CA12: variants seen among roughly 807,000 people sequenced by gnomAD.
The protein encoded by CA12 is carbonic anhydrase 12.
In CA12, 36 loss-of-function variants were observed where a neutral mutation model predicts 46.8. The observed-to-expected ratio is 0.77, with a 90% CI of 0.59 to 1.02. The LOEUF (loss-of-function observed/expected upper bound fraction) is 1.02, where lower values mean the gene tolerates loss of function less well. Among genes scored for constraint, CA12 ranks in the 50% least tolerant of loss-of-function variants. The pLI is 0.00. For synonymous variants in CA12, 202 were observed against 187.0 expected, an observed-to-expected ratio of 1.08 and a Z score of -0.65; for missense variants, 436 against 451.4, an observed-to-expected ratio of 0.97 and a Z score of 0.31.
chr15:63,362,574 C>T (rs1185547729), intron 2 of CA12, among the ~76,000 whole-genome samples: 1 of 152,124 alleles, frequency 6.6e-6, no homozygotes, highest in Non-Finnish European at 1.5e-5. Context: ...CCTGGGGAGT[C>T]TGGAAATTAC....
chr15:63,349,923 T>C (rs1440813936), intron 2 of CA12, among the ~76,000 whole-genome samples: 2 of 152,168 alleles, frequency 1.3e-5, no homozygotes, highest in East Asian at 3.9e-4. Flanking sequence ...CTTAATTCCC[T>C]CATGTATTTC....
At chr15:63,375,475 A>G (rs2039558292) in intron 2 of CA12, 183 bp downstream of exon 2, 2 of 559,968 alleles carry the variant, frequency 3.6e-6, no homozygotes, top group Non-Finnish European at 6.5e-6. Context: ...GAGAAAGTGC[A>G]GTATGCAACC....
intron 1 of CA12, among the ~76,000 whole-genome samples, chr15:63,380,493 C>A (rs2152629233): frequency 6.6e-6 from 1 of 152,310 alleles, no homozygotes; most frequent in African/African-American, 2.4e-5. Flanking sequence ...CTCAGTGCAG[C>A]TTTCGTAAAA....
In CA12 at chr15:63,381,697, C is replaced by A. The variant is rs1442358039; in HGVS notation, c.24G>T (p.Ala8=). 1.9e-6 allele frequency: 3 copies of A among 1,608,494 alleles called. No homozygotes were observed. The highest frequency in any genetic ancestry group is 2.2e-5 in the East Asian group (1 of 44,642). ...AGATCACCAGCAGGAGCACGGCCGC[C>A]GCGTGCAGGCTGCGCCGGGGCATCT... MPRRSLH[A]AAVLLLVILK... is the part of the protein sequence containing the mutation. Residue 8 remains alanine (A), a synonymous_variant, in exon 1 of 11, where the codon GCG becomes GCT. Coordinates refer to ENST00000178638, the MANE Select transcript of CA12 (RefSeq NM_001218.5).
intron 2 of CA12, among the ~76,000 whole-genome samples, chr15:63,352,286 A>T (rs1302499896): frequency 2.6e-5 from 4 of 152,170 alleles, no homozygotes; most frequent in Non-Finnish European, 5.9e-5. Flanking sequence ...CAGACTCCTG[A>T]CCTAAAGCGA....
intron 2 of CA12, among the ~76,000 whole-genome samples, chr15:63,357,690 A>G (rs1406007242): frequency 6.6e-6 from 1 of 151,978 alleles, no homozygotes; most frequent in Non-Finnish European, 1.5e-5. Context: ...TGTTGTGGTA[A>G]AATACATAGA....
At chr15:63,332,237 G>T (rs928912376) in intron 8 of CA12, among the ~76,000 whole-genome samples, 2 of 152,206 alleles carry the variant, frequency 1.3e-5, no homozygotes, top group African/African-American at 4.8e-5. Flanking sequence ...CAAGGAAGAT[G>T]CCCTCACCAC....
chr15:63,356,965 A>C (rs2152621804), intron 2 of CA12, among the ~76,000 whole-genome samples: 1 of 152,360 alleles, frequency 6.6e-6, no homozygotes, highest in Non-Finnish European at 1.5e-5. Flanking sequence ...GGATAAACAA[A>C]ATGTGGCACA....
chr15:63,338,714 G>T, intron 8 of CA12, 105 bp downstream of exon 8: 1 of 1,507,624 alleles, frequency 6.6e-7, no homozygotes, highest in African/African-American at 1.4e-5. Flanking sequence ...GGAGCTCTCA[G>T]CCAACTTCTT....
rs774844528 is a variant in CA12 at position 63,375,652 on chromosome 15, A to C, written c.106+6T>G. 32 of 1,545,676 alleles carry C rather than the reference A, an allele frequency of 2.1e-5. No homozygotes were observed. The East Asian group carries it at 6.7e-4, about 32-fold the overall frequency. ...CAACAAAAAAGTATTTAAAATCTCT[A>C]CTTACCAAAATAAGTCCACTTGGAA... On this transcript the variant is annotated splice_donor_region_variant and intron_variant, in intron 2 of 10. Transcript: ENST00000178638.
chr15:63,368,131 A>G (rs2039458414), intron 2 of CA12, among the ~76,000 whole-genome samples: 1 of 152,182 alleles, frequency 6.6e-6, no homozygotes, highest in Admixed American at 6.5e-5. Flanking sequence ...GCTTCTCTGT[A>G]TTCGTGGAAT....
chr15:63,381,745 C>G lies in CA12; in HGVS notation c.-25G>C, dbSNP rs775903721. On this transcript the variant is annotated 5_prime_UTR_variant, in exon 1 of 11. Coordinates refer to ENST00000178638, the MANE Select transcript of CA12 (RefSeq NM_001218.5). ...TCTTCGCGGGCTCCTGCGGGGCGGG[C>G]GCGGGCTGTGCCGGGGGCTCCCGGT... The G allele has an allele frequency of 9.7e-6, 15 of 1,540,502 alleles. No homozygotes were observed. The highest frequency in any genetic ancestry group is 2.0e-5 in the Admixed American group (1 of 51,210).
rs751388518 is a variant in CA12, at chr15:63,340,316, C to G, written c.719G>C (p.Arg240Pro). 1 of 1,614,142 alleles carries G rather than the reference C, an allele frequency of 6.2e-7. No homozygotes were observed. The highest frequency in any genetic ancestry group is 1.1e-5 in the South Asian group (1 of 91,068). The change falls in exon 7 of 11, where the codon CGA becomes CCA. Residue 240 changes from arginine (R) to proline (P), a missense_variant. By Grantham distance (103) the Arg-to-Pro change is moderately radical (BLOSUM62 -2). Coordinates refer to ENST00000178638, the MANE Select transcript of CA12 (RefSeq NM_001218.5). This position sits in a 1 kb window ranked among gnomAD's most constrained non-coding sequence, Gnocchi z 4.4. ...CNPTVLWTVF[R>P]NPVQISQEQL... is the part of the protein sequence containing the mutation. ...CTCCTGGGAAATTTGCACGGGGTTT[C>G]GGAAAACTGTCCAGAGCACAGTGGG...
chr15:63,345,684 G>T lies in CA12; in HGVS notation c.287-65C>A. 1.3e-6 allele frequency: 2 copies of T among 1,560,872 alleles called. No individual in the cohort carries two copies. Among genetic ancestry groups the T allele is most frequent in the Non-Finnish European group, 1.7e-6 (2 of 1,156,974 alleles). ...GCTGTGCACTGCCAGAGAGCAGTCA[G>T]GTAGGCAATGCTCCCTCCACCCCTG... On this transcript the variant is annotated intron_variant, in intron 3 of 10. Transcript: ENST00000178638. This position sits in a 1 kb window ranked among gnomAD's most constrained non-coding sequence, Gnocchi z 4.3.
chr15:63,329,272 G>A lies in CA12; in HGVS notation c.875-1142C>T, dbSNP rs1399467920. Among the ~76,000 whole-genome samples the A allele has an allele frequency of 1.3e-5, 2 of 152,238 alleles. No homozygotes were observed. Among genetic ancestry groups the A allele is most frequent in the Admixed American group, 6.5e-5 (1 of 15,282 alleles). ...AGGGTATTACGGCTTCAACCAGCAA[G>A]TTACTGTTGAGGATAAATAAGGTGA... On this transcript the variant is annotated intron_variant, in intron 8 of 10. Transcript: ENST00000178638. This position sits in a 1 kb window ranked among gnomAD's most constrained non-coding sequence, Gnocchi z 4.8.
In CA12 at chr15:63,372,627, C is replaced by T. The variant is rs1004271590; in HGVS notation, c.106+3031G>A. Among the ~76,000 whole-genome samples, 2 of 152,192 alleles carry T rather than the reference C, an allele frequency of 1.3e-5. No individual in the cohort carries two copies. Among genetic ancestry groups the T allele is most frequent in the African/African-American group, 4.8e-5 (2 of 41,454 alleles). ...TTGGTTGGACTTGCCCCATTCAGTG[C>T]GGCCCTTATTGCTTGGAAGCCGTTT... On this transcript the variant is annotated intron_variant, in intron 2 of 10. Transcript: ENST00000178638. The surrounding 1 kb of genome is among the most constrained non-coding windows in gnomAD (Gnocchi z 4.5).
At chr15:63,346,037 A>G (rs946606622) in intron 3 of CA12, among the ~76,000 whole-genome samples, 2 of 152,194 alleles carry the variant, frequency 1.3e-5, no homozygotes, top group African/African-American at 4.8e-5. Flanking sequence ...CCAGACCCCA[A>G]CGTACATAAT....
chr15:63,339,464 G>A lies in CA12; in HGVS notation c.748-519C>T, dbSNP rs1180451100. Among the ~76,000 whole-genome samples the A allele has an allele frequency of 1.3e-5, 2 of 152,204 alleles. No individual in the cohort carries two copies. Among genetic ancestry groups the A allele is most frequent in the Non-Finnish European group, 2.9e-5 (2 of 68,030 alleles). Reference sequence around the variant, plus strand: ...ATAACCCTTTCCCAAGGCAGTTTCTGAGGTAGGATGTTGCTGCTTCCCCAC... The same window carrying A: ...ATAACCCTTTCCCAAGGCAGTTTCTAAGGTAGGATGTTGCTGCTTCCCCAC... On this transcript the variant is annotated intron_variant, in intron 7 of 10. Transcript: ENST00000178638. The surrounding 1 kb of genome is among the most constrained non-coding windows in gnomAD (Gnocchi z 4.3).
rs2038910800 is a variant in CA12, at chr15:63,329,679, T to G, written c.875-1549A>C. 6.6e-6 allele frequency among the ~76,000 whole-genome samples: 1 copy of G among 152,212 alleles called. No homozygotes were observed. The highest frequency in any genetic ancestry group is 1.5e-5 in the Non-Finnish European group (1 of 68,034). ...CCACCCAGCCTGACACAGAAGATCC[T>G]GTGCCCATAGAACCCACAGTGGTGG... On this transcript the variant is annotated intron_variant, in intron 8 of 10. Transcript: ENST00000178638. The surrounding 1 kb of genome is among the most constrained non-coding windows in gnomAD (Gnocchi z 4.8).
Sources: allele counts gnomAD v4.1 joint callset (sites outside exome capture counted in the v4.1 genomes callset), GRCh38; gene constraint gnomAD v4.1.1; non-coding constraint Gnocchi (gnomAD v3.1); transcripts MANE v1.5; gene names NCBI Gene and HGNC (gene_info 2026-07-23, HGNC 2026-07-21).